Variants in CEP63 observed in about 807,000 individuals in gnomAD.
CEP63 encodes centrosomal protein 63, also known as centrosomal protein of 63 kDa.
A neutral mutation model predicts 89.1 loss-of-function variants in CEP63; 84 were observed. The observed-to-expected ratio is 0.94, with a 90% CI of 0.79 to 1.13. The LOEUF (loss-of-function observed/expected upper bound fraction) is 1.13. CEP63 is among the 50% of genes most tolerant of loss of function. The probability of loss-of-function intolerance (pLI) is 0.00; values close to 1 mark genes in which losing one functional copy is unlikely to be tolerated. For synonymous variants in CEP63, 267 were observed against 272.5 expected, an observed-to-expected ratio of 0.98 and a Z score of 0.20; for missense variants, 838 against 813.3, an observed-to-expected ratio of 1.03 and a Z score of -0.37.
chr3:134,752,425 G>A, the CEP63 span, among the ~76,000 whole-genome samples: 1 of 152,118 alleles, frequency 6.6e-6, no homozygotes, highest in Non-Finnish European at 1.5e-5. Context: ...AGGGAAGCCC[G>A]AGGAGGATTG....
At chr3:134,493,495 A>G (rs1315700766) in intron 1 of CEP63, among the ~76,000 whole-genome samples, 2 of 151,920 alleles carry the variant, frequency 1.3e-5, no homozygotes, top group African/African-American at 4.8e-5. Context: ...TTAGGTTTTT[A>G]TTTTTGCAAT....
rs10451865 is a variant in CEP63, at chr3:134,522,726, T to A, written c.223-9119T>A. Reference sequence around the variant, plus strand: ...GAATATGCGGTATTTGGTTTTCTGTTCCTGCAAAAGACGTGATCTCATTCT... The same window carrying A: ...GAATATGCGGTATTTGGTTTTCTGTACCTGCAAAAGACGTGATCTCATTCT... On this transcript the variant is annotated intron_variant, in intron 3 of 14. Coordinates refer to ENST00000675561, the MANE Select transcript of CEP63 (RefSeq NM_001353108.3). Among the ~76,000 whole-genome samples the A allele has an allele frequency of 7.6e-3, 1,151 of 152,172 alleles. 17 individuals are homozygous for A. Among genetic ancestry groups the A allele is most frequent in the African/African-American group, 0.026 (1,095 of 41,536 alleles).
chr3:134,547,397 G>A lies in CEP63; in HGVS notation c.992G>A (p.Ser331Asn), dbSNP rs1274958246. The A allele has an allele frequency of 2.5e-6, 4 of 1,613,752 alleles. No homozygotes were observed. The South Asian group carries it at 3.3e-5, about 13-fold the overall frequency. ...YTSQGQGDLDSVLSQLNFTHT... is the reference protein window; with the variant it reads ...YTSQGQGDLDNVLSQLNFTHT... ...TCTCAAGGGCAGGGGGACTTAGACA[G>A]TGTGCTCTCCCAGTTGAATTTTACC... The change falls in exon 9 of 15, where the codon AGT (serine) becomes AAT (asparagine). Residue 331 changes from serine (S) to asparagine (N), a missense_variant. By Grantham distance (46) the Ser-to-Asn change is conservative. Coordinates refer to ENST00000675561, the MANE Select transcript of CEP63 (RefSeq NM_001353108.3).
the CEP63 span, chr3:134,607,732 C>T: frequency 2.0e-6 from 2 of 985,822 alleles, no homozygotes; most frequent in Non-Finnish European, 2.4e-6. Flanking sequence ...TGCCATGGCT[C>T]CGTGGTGAAG....
At chr3:134,549,936 G>T (rs924295047) in intron 10 of CEP63, 127 bp from the exon 11 acceptor site, 2 of 768,944 alleles carry the variant, frequency 2.6e-6, no homozygotes, top group Non-Finnish European at 4.4e-6. Context: ...TTTTTCTGCA[G>T]ATTTAATTTA....
chr3:134,520,850 T>C (rs1255094147), intron 3 of CEP63, among the ~76,000 whole-genome samples: 1 of 152,160 alleles, frequency 6.6e-6, no homozygotes, highest in Non-Finnish European at 1.5e-5. Flanking sequence ...TTTTGACTTC[T>C]AGTTTTATAC....
At chr3:134,540,729 A>C (rs1951817614) in intron 6 of CEP63, among the ~76,000 whole-genome samples, 1 of 149,428 alleles carries the variant, frequency 6.7e-6, no homozygotes, top group African/African-American at 2.5e-5. Context: ...ATTTTTCATA[A>C]ATTATTTGTG....
At chr3:134,541,640 A>G (rs968689338) in intron 6 of CEP63, among the ~76,000 whole-genome samples, 2 of 151,394 alleles carry the variant, frequency 1.3e-5, no homozygotes, top group African/African-American at 4.9e-5. Flanking sequence ...CAGCATCCCA[A>G]GTAGCTAGGA....
the CEP63 span, among the ~76,000 whole-genome samples, chr3:134,651,920 C>A: frequency 5.3e-5 from 8 of 152,186 alleles, no homozygotes; most frequent in African/African-American, 1.4e-4. Context: ...TACGGGCCCA[C>A]CCTGCTGGGG....
At chr3:134,525,824 C>G (rs1431636894) in intron 3 of CEP63, among the ~76,000 whole-genome samples, 1 of 152,136 alleles carries the variant, frequency 6.6e-6, no homozygotes, top group African/African-American at 2.4e-5. Flanking sequence ...CTGATATTCC[C>G]TTTATAGGTG....
At chr3:134,760,082 G>A in the CEP63 span, among the ~76,000 whole-genome samples, 4 of 127,458 alleles carry the variant, frequency 3.1e-5, no homozygotes, top group Admixed American at 1.7e-4. Context: ...TTTTTGAGAC[G>A]GAGTCTCGCT....
At chr3:134,662,492 A>G in the CEP63 span, among the ~76,000 whole-genome samples, 2 of 152,200 alleles carry the variant, frequency 1.3e-5, no homozygotes, top group Non-Finnish European at 1.5e-5. Context: ...AAAAATATGT[A>G]TTGGATGCCC....
chr3:134,590,413 A>C (rs1415280714), downstream of CEP63, among the ~76,000 whole-genome samples: 1 of 152,230 alleles, frequency 6.6e-6, no homozygotes, highest in African/African-American at 2.4e-5. Flanking sequence ...GCAATTAGAA[A>C]ATTAAATTAA....
chr3:134,645,460 C>T, the CEP63 span, among the ~76,000 whole-genome samples: 1 of 152,154 alleles, frequency 6.6e-6, no homozygotes, highest in Non-Finnish European at 1.5e-5. Context: ...CAGGGCTGGG[C>T]GGCCTGCTGG....
At chr3:134,515,345 T>G in intron 3 of CEP63, among the ~76,000 whole-genome samples, 1 of 152,224 alleles carries the variant, frequency 6.6e-6, no homozygotes, top group East Asian at 1.9e-4. Flanking sequence ...GTTTGTTAAA[T>G]GTAAATGCAG....
rs549404241 is a variant in CEP63, at chr3:134,497,285, G to A, written c.44+1921G>A. On this transcript the variant is annotated intron_variant, in intron 2 of 14. Transcript: ENST00000675561. ...TTAGTTTAACTAGGTCCCAATTGTC[G>A]GTTTTTGTTTTGGTTGCCTGTGCTT... Among the ~76,000 whole-genome samples, 3 of 152,024 alleles carry A rather than the reference G, an allele frequency of 2.0e-5. No homozygotes were observed. In the South Asian group the frequency reaches 6.2e-4, roughly 32 times the overall value.
the CEP63 span, among the ~76,000 whole-genome samples, chr3:134,763,953 TC>T: frequency 1.3e-5 from 2 of 152,170 alleles, no homozygotes; most frequent in Non-Finnish European, 2.9e-5. Flanking sequence ...GATTGATGCC[TC>T]CCCTTTATAC....
intron 3 of CEP63, among the ~76,000 whole-genome samples, chr3:134,507,837 T>G (rs534772316): frequency 6.6e-6 from 1 of 152,374 alleles, no homozygotes; most frequent in African/African-American, 2.4e-5. Flanking sequence ...GGGAAAAGTT[T>G]AATAATATTT....
At chr3:134,490,395 T>C (rs1349443870) in intron 1 of CEP63, among the ~76,000 whole-genome samples, 1 of 152,158 alleles carries the variant, frequency 6.6e-6, no homozygotes, top group Non-Finnish European at 1.5e-5. Flanking sequence ...GGCTATTTTA[T>C]TATCAATATG....
Sources: gnomAD v4.1 joint callset for allele counts (sites outside exome capture counted in the v4.1 genomes callset) on GRCh38, gnomAD v4.1.1 for gene constraint, MANE v1.5 for transcripts, NCBI Gene and HGNC (gene_info 2026-07-23, HGNC 2026-07-21) for gene names.